CACHD1: variants seen among roughly 807,000 people sequenced by gnomAD.
CACHD1 encodes the protein cache domain containing 1, also known as VWFA and cache domain-containing protein 1.
A neutral mutation model predicts 138.7 loss-of-function variants in CACHD1; 71 were observed. The observed-to-expected ratio is 0.51, with a 90% CI of 0.42 to 0.62. The LOEUF (loss-of-function observed/expected upper bound fraction) is 0.62, where lower values mean the gene tolerates loss of function less well. Among genes scored for constraint, CACHD1 ranks in the 20% least tolerant of loss-of-function variants. The probability of loss-of-function intolerance (pLI) is 0.00; values close to 1 mark genes in which losing one functional copy is unlikely to be tolerated. For missense variants in CACHD1, 1,389 were observed against 1,625.3 expected, an observed-to-expected ratio of 0.85 and a Z score of 2.50; for synonymous variants, 578 against 591.5, an observed-to-expected ratio of 0.98 and a Z score of 0.33.
At chr1:64,486,549 C>A (rs1646244551) in intron 1 of CACHD1, among the ~76,000 whole-genome samples, 1 of 152,098 alleles carries the variant, frequency 6.6e-6, no homozygotes, top group Non-Finnish European at 1.5e-5. Context: ...ATAATGACAT[C>A]CAGGATTAGA....
chr1:64,479,138 T>C (rs1192618782), intron 1 of CACHD1, among the ~76,000 whole-genome samples: 1 of 152,158 alleles, frequency 6.6e-6, no homozygotes, highest in East Asian at 1.9e-4. Flanking sequence ...GGAAGCCAAT[T>C]TCTTTGTGAT....
intron 2 of CACHD1, among the ~76,000 whole-genome samples, chr1:64,557,884 C>T (rs183236997): frequency 9.2e-5 from 14 of 152,202 alleles, no homozygotes; most frequent in African/African-American, 2.2e-4. Flanking sequence ...CTGCAACCTC[C>T]GCTTCCTGGG....
chr1:64,549,761 C>A (rs978832647), intron 1 of CACHD1, among the ~76,000 whole-genome samples: 9 of 151,408 alleles, frequency 5.9e-5, no homozygotes, highest in African/African-American at 2.2e-4. Flanking sequence ...ATCTTTAAAG[C>A]TTGAAGATAA....
At chr1:64,515,552 A>G (rs935226767) in intron 1 of CACHD1, among the ~76,000 whole-genome samples, 3 of 152,152 alleles carry the variant, frequency 2.0e-5, no homozygotes, top group Admixed American at 6.5e-5. Context: ...CATTTTGACT[A>G]TTAGTATTTG....
chr1:64,558,850 T>G (rs888142740), intron 2 of CACHD1, among the ~76,000 whole-genome samples: 1 of 152,114 alleles, frequency 6.6e-6, no homozygotes, highest in Non-Finnish European at 1.5e-5. Flanking sequence ...GAACAGACAC[T>G]TCTCAAAAGA....
chr1:64,571,587 G>A (rs1018023508), intron 2 of CACHD1, among the ~76,000 whole-genome samples: 2 of 152,182 alleles, frequency 1.3e-5, no homozygotes, highest in African/African-American at 4.8e-5. Context: ...GAAGTGCTTA[G>A]TGGTAACAGA....
At position 64,545,829 on chromosome 1, in the gene CACHD1, C is replaced by G. The variant is rs116717127; in HGVS notation, c.199-4765C>G. Among the ~76,000 whole-genome samples the G allele has an allele frequency of 5.0e-3, 759 of 152,238 alleles. 2 individuals are homozygous for G. The highest frequency in any genetic ancestry group is 8.4e-3 in the Non-Finnish European group (568 of 68,014). On this transcript the variant is annotated intron_variant, in intron 1 of 26. Coordinates refer to ENST00000651257, the MANE Select transcript of CACHD1 (RefSeq NM_020925.4). ...TTAATGAGAGAAAGGTCAGTTTTGT[C>G]TCTAAATCAGAGTGCTTGGTTACCA... is the stretch of plus-strand genomic sequence containing the variant.
chr1:64,593,198 C>T (rs1030351331), intron 3 of CACHD1, among the ~76,000 whole-genome samples: 5 of 152,114 alleles, frequency 3.3e-5, no homozygotes, highest in African/African-American at 9.7e-5. Context: ...AATATTTTTA[C>T]GCCTGTAACT....
rs576148125 is a variant in CACHD1, at chr1:64,554,462, A to C, written c.261+3806A>C. ...GTTCAACATGACTGAATAATGCCAG[A>C]CTGCTTCCACAGTGGCTGTCATGGG... On this transcript the variant is annotated intron_variant, in intron 2 of 26. Transcript: ENST00000651257. 2.0e-5 allele frequency among the ~76,000 whole-genome samples: 3 copies of C among 152,308 alleles called. No homozygotes were observed. In the South Asian group the frequency reaches 6.2e-4, roughly 32 times the overall value.
intron 1 of CACHD1, among the ~76,000 whole-genome samples, chr1:64,521,036 T>G (rs1646494511): frequency 6.6e-6 from 1 of 152,216 alleles, no homozygotes; most frequent in Non-Finnish European, 1.5e-5. Flanking sequence ...CTATCCCAGT[T>G]TCTTTAGGGT....
At chr1:64,667,866 T>C (rs1649686627) in intron 16 of CACHD1, among the ~76,000 whole-genome samples, 1 of 152,216 alleles carries the variant, frequency 6.6e-6, no homozygotes, top group Non-Finnish European at 1.5e-5. Flanking sequence ...TTCTTTTTGT[T>C]CAAGAGGGCA....
intron 4 of CACHD1, among the ~76,000 whole-genome samples, chr1:64,615,908 A>C (rs1480739848): frequency 6.6e-6 from 1 of 152,152 alleles, no homozygotes; most frequent in Non-Finnish European, 1.5e-5. Context: ...TTATACTTTC[A>C]TTTTATTCTT....
intron 26 of CACHD1, among the ~76,000 whole-genome samples, 191 bp from the exon 27 acceptor site, chr1:64,691,132 A>AG (rs1314470741): frequency 6.6e-6 from 1 of 151,962 alleles, no homozygotes; most frequent in Admixed American, 6.6e-5. Context: ...TTGTTTTTTA[A>AG]GGGAAAAAAA....
intron 9 of CACHD1, 74 bp from the exon 10 acceptor site, chr1:64,652,087 C>T (rs538546081): frequency 3.8e-6 from 5 of 1,329,190 alleles, no homozygotes; most frequent in Non-Finnish European, 5.1e-6. Context: ...TCATGATTCA[C>T]CGGAGCACAG....
chr1:64,480,258 G>A (rs1171970579), intron 1 of CACHD1, among the ~76,000 whole-genome samples: 1 of 152,202 alleles, frequency 6.6e-6, no homozygotes, highest in South Asian at 2.1e-4. Context: ...GAGGCCCAGC[G>A]AGGAAGTGGC....
chr1:64,477,512 G>A (rs1353573208), intron 1 of CACHD1, among the ~76,000 whole-genome samples: 2 of 151,414 alleles, frequency 1.3e-5, no homozygotes, highest in Non-Finnish European at 2.9e-5. Flanking sequence ...CTCTCACCCA[G>A]CTTAGACAGT....
At chr1:64,490,605 G>A (rs1646269509) in intron 1 of CACHD1, among the ~76,000 whole-genome samples, 1 of 152,212 alleles carries the variant, frequency 6.6e-6, no homozygotes, top group Non-Finnish European at 1.5e-5. Flanking sequence ...TGTACTTTGT[G>A]GGTGGTGCAA....
intron 3 of CACHD1, among the ~76,000 whole-genome samples, chr1:64,583,510 AAAG>A (rs1348363395): frequency 3.3e-5 from 5 of 152,224 alleles, no homozygotes; most frequent in African/African-American, 1.2e-4. Flanking sequence ...ATCAAATGTG[AAAG>A]TAGTTTGTAA....
rs149564819 is a variant in CACHD1 at position 64,641,892 on chromosome 1, C to T, written c.1079C>T (p.Ala360Val). 1.2e-5 allele frequency: 20 copies of T among 1,605,332 alleles called. No individual in the cohort carries two copies. Among genetic ancestry groups the T allele is most frequent in the African/African-American group, 2.7e-5 (2 of 74,440 alleles). The change falls in exon 8 of 27, where the codon GCG becomes GTG. Residue 360 changes from alanine (A) to valine (V), a missense_variant. Physicochemically the swap from Ala to Val is moderately conservative, Grantham distance 64. Around this residue, in one of 5 missense-constraint regions of CACHD1, gnomAD observed 1,000 missense variants for 1,114.7 expected, o/e 0.90. Coordinates refer to ENST00000651257, the MANE Select transcript of CACHD1 (RefSeq NM_020925.4). Reference protein sequence around the residue: ...SKDSSEEDKKATLQVINEENS... With the variant: ...SKDSSEEDKKVTLQVINEENS... ...GACTCTTCGGAAGAAGATAAAAAAG[C>T]GACTCTCCAAGTCATCAATGAAGAA...
Sources: allele counts gnomAD v4.1 joint callset (sites outside exome capture counted in the v4.1 genomes callset), GRCh38; gene constraint gnomAD v4.1.1; regional missense constraint gnomAD v4.1.1; transcripts MANE v1.5; gene names NCBI Gene and HGNC (gene_info 2026-07-23, HGNC 2026-07-21).